PDGFD: variants seen among roughly 807,000 people sequenced by gnomAD.
PDGFD encodes the protein platelet-derived growth factor D.
Under a neutral mutation model 44.7 loss-of-function variants are expected in PDGFD, and 30 were observed. That is an observed-to-expected ratio of 0.67 (90% confidence interval 0.50 to 0.91). The LOEUF is 0.91. Among genes scored for constraint, PDGFD ranks in the 40% least tolerant of loss-of-function variants. PDGFD has a pLI of 0.00. For synonymous variants in PDGFD, 173 were observed against 168.4 expected (o/e 1.03, Z -0.21); for missense variants, 445 against 457.8 (o/e 0.97, Z 0.25).
intron 1 of PDGFD, among the ~76,000 whole-genome samples, chr11:104,050,373 G>C (rs2134405881): frequency 6.6e-6 from 1 of 152,262 alleles, no homozygotes; most frequent in East Asian, 1.9e-4. Flanking sequence ...GAAGGAGAAA[G>C]TATGAAACAA....
In PDGFD at chr11:104,132,910, G is replaced by C. The variant is rs541255417; in HGVS notation, c.124+30894C>G. The stretch of plus-strand genomic sequence containing the variant: ...GACTGTATTAGTTAGGATAGGATAG[G>C]TTATGCTGCAGTAACAAAATAATCT... On this transcript the variant is annotated intron_variant, in intron 1 of 6. Coordinates refer to ENST00000393158, the MANE Select transcript of PDGFD (RefSeq NM_025208.5). Among the ~76,000 whole-genome samples the C allele has an allele frequency of 2.0e-5, 3 of 152,180 alleles. No homozygotes were observed. In the East Asian group the frequency reaches 5.8e-4, roughly 29 times the overall value.
intron 1 of PDGFD, among the ~76,000 whole-genome samples, chr11:104,126,417 C>G (rs753311353): frequency 3.3e-5 from 5 of 152,136 alleles, no homozygotes; most frequent in Non-Finnish European, 7.4e-5. Flanking sequence ...ACCAGTTTAT[C>G]TTGTCCTTTT....
intron 1 of PDGFD, among the ~76,000 whole-genome samples, chr11:104,094,831 C>G (rs1456242531): frequency 6.6e-6 from 1 of 152,122 alleles, no homozygotes; most frequent in Non-Finnish European, 1.5e-5. Context: ...AGACATGTAT[C>G]AGGTCTTGAT....
At chr11:103,976,095 C>T (rs1247903104) in intron 3 of PDGFD, among the ~76,000 whole-genome samples, 3 of 152,110 alleles carry the variant, frequency 2.0e-5, no homozygotes, top group Non-Finnish European at 2.9e-5. Flanking sequence ...GCATTATGGC[C>T]ATTTTCATGA....
intron 3 of PDGFD, among the ~76,000 whole-genome samples, chr11:103,951,042 C>T (rs1858748656): frequency 6.6e-6 from 1 of 152,144 alleles, no homozygotes; most frequent in African/African-American, 2.4e-5. Flanking sequence ...GTCTGGGCTA[C>T]AGGATTCCAG....
Position 104,131,040 on chromosome 11 carries a change from T to C in PDGFD, c.124+32764A>G, listed in dbSNP as rs185462928. On this transcript the variant is annotated intron_variant, in intron 1 of 6. Transcript: ENST00000393158. ...TATGTAGACAATGATTTTTATCATA[T>C]GTCACCTTGTACAAACATAAATAAG... 2.5e-3 allele frequency among the ~76,000 whole-genome samples: 374 copies of C among 152,324 alleles called. 3 individuals carry two copies. The highest frequency in any genetic ancestry group is 8.2e-3 in the African/African-American group (342 of 41,586).
intron 1 of PDGFD, among the ~76,000 whole-genome samples, chr11:104,007,908 G>C (rs1464626838): frequency 1.3e-5 from 2 of 152,160 alleles, no homozygotes; most frequent in East Asian, 3.9e-4. Context: ...ATAGAAATAA[G>C]TTGACAAAAT....
At chr11:104,037,992 T>C in intron 1 of PDGFD, 3 of 1,613,364 alleles carry the variant, frequency 1.9e-6, no homozygotes, top group Middle Eastern at 1.7e-4. Context: ...CAGTCATGGA[T>C]TCAGGACGAA....
intron 3 of PDGFD, 110 bp from the exon 4 acceptor site, chr11:103,947,834 G>A: frequency 1.3e-6 from 1 of 796,422 alleles, no homozygotes; most frequent in Non-Finnish European, 2.2e-6. Flanking sequence ...AGTGACAACA[G>A]ACATAGGGCT....
intron 1 of PDGFD, among the ~76,000 whole-genome samples, chr11:104,101,319 G>A (rs889065249): frequency 1.3e-5 from 2 of 152,058 alleles, no homozygotes; most frequent in African/African-American, 4.8e-5. Context: ...TAGACACACA[G>A]AGAGCCAAAT....
intron 1 of PDGFD, among the ~76,000 whole-genome samples, chr11:104,090,218 T>C (rs1861192115): frequency 6.6e-6 from 1 of 152,058 alleles, no homozygotes; most frequent in Non-Finnish European, 1.5e-5. Context: ...CTTACAGAAA[T>C]AGATTTTCCA....
intron 3 of PDGFD, among the ~76,000 whole-genome samples, chr11:103,971,227 G>A (rs924756671): frequency 5.3e-5 from 8 of 152,064 alleles, no homozygotes; most frequent in African/African-American, 1.9e-4. Context: ...TGTAGTTAAT[G>A]TTCTGGGCTT....
rs562223729 is a variant in PDGFD, at chr11:104,107,326, G to A, written c.124+56478C>T. Among the ~76,000 whole-genome samples the A allele has an allele frequency of 1.6e-4, 25 of 152,196 alleles. No homozygotes were observed. The South Asian group carries it at 1.9e-3, about 11-fold the overall frequency. On this transcript the variant is annotated intron_variant, in intron 1 of 6. Transcript: ENST00000393158. ...TGTTAGAGAGGAGGTTATACGGCAC[G>A]CGATGCTGGATGACCTCTGAGAGCT...
At chr11:104,060,427 G>T (rs1860694486) in intron 1 of PDGFD, among the ~76,000 whole-genome samples, 1 of 152,162 alleles carries the variant, frequency 6.6e-6, no homozygotes, top group African/African-American at 2.4e-5. Flanking sequence ...CTGGGCCTGG[G>T]TACACATCTG....
chr11:103,915,172 T>C (rs1052785281), intron 6 of PDGFD, among the ~76,000 whole-genome samples: 2 of 152,224 alleles, frequency 1.3e-5, no homozygotes, highest in Non-Finnish European at 2.9e-5. Context: ...TGTTTGCAGA[T>C]GACATGTTTG....
chr11:104,023,616 A>ACAAT (rs374245794), intron 1 of PDGFD, among the ~76,000 whole-genome samples: 122 of 152,306 alleles, frequency 8.0e-4, no homozygotes, highest in African/African-American at 2.8e-3. Context: ...TCATGTAAAC[A>ACAAT]CAATCTACTG....
intron 6 of PDGFD, among the ~76,000 whole-genome samples, 164 bp from the exon 7 acceptor site, chr11:103,909,983 C>A (rs866083104): frequency 1.3e-5 from 2 of 152,186 alleles, no homozygotes; most frequent in African/African-American, 4.8e-5. Context: ...AGAATGTACA[C>A]ATTTTTCAAA....
At chr11:104,058,727 T>G (rs761986716) in intron 1 of PDGFD, among the ~76,000 whole-genome samples, 1 of 152,162 alleles carries the variant, frequency 6.6e-6, no homozygotes, top group Non-Finnish European at 1.5e-5. Flanking sequence ...CCAGAAAAAT[T>G]TAAATGAGCA....
At chr11:104,045,491 G>A (rs1017119010) in intron 1 of PDGFD, among the ~76,000 whole-genome samples, 1 of 151,916 alleles carries the variant, frequency 6.6e-6, no homozygotes, top group Non-Finnish European at 1.5e-5. Flanking sequence ...AAAAAAAAGT[G>A]AGTACAAACT....
Sources: gnomAD v4.1 joint callset for allele counts (sites outside exome capture counted in the v4.1 genomes callset) on GRCh38, gnomAD v4.1.1 for gene constraint, MANE v1.5 for transcripts, NCBI Gene and HGNC (gene_info 2026-07-23, HGNC 2026-07-21) for gene names.